RFTN1: variants seen among roughly 807,000 people sequenced by gnomAD.
RFTN1 encodes the protein raftlin, lipid raft linker 1.
In RFTN1, 26 loss-of-function variants were observed where a neutral mutation model predicts 46.5. The ratio of observed to expected loss-of-function variants is 0.56; its 90% CI spans 0.41 to 0.78. RFTN1 has a LOEUF of 0.78. RFTN1 is among the 30% of genes least tolerant of loss of function. RFTN1 has a pLI of 0.00. For missense variants in RFTN1, 693 were observed against 718.7 expected, an observed-to-expected ratio of 0.96 and a Z score of 0.41; for synonymous variants, 261 against 284.2, an observed-to-expected ratio of 0.92 and a Z score of 0.82.
intron 4 of RFTN1, among the ~76,000 whole-genome samples, chr3:16,396,965 A>G (rs1414068675): frequency 6.6e-6 from 1 of 151,006 alleles, no homozygotes; most frequent in Non-Finnish European, 1.5e-5. Context: ...CGGGAGGCTG[A>G]GGCAGGAGAA....
In RFTN1 at chr3:16,387,813, G is replaced by A. The variant is rs1295557945; in HGVS notation, c.442-9711C>T. ...CCCACAGCCCTCCTGTCACCTCCAT[G>A]ACGCCAAATCCCACAGGCTTTTTAG... On this transcript the variant is annotated intron_variant, in intron 4 of 9. Transcript: ENST00000334133. This position sits in a 1 kb window ranked among gnomAD's most constrained non-coding sequence, Gnocchi z 5.2. Among the ~76,000 whole-genome samples, 2 of 151,830 alleles carry A rather than the reference G, an allele frequency of 1.3e-5. No individual in the cohort carries two copies. The highest frequency in any genetic ancestry group is 3.9e-4 in the East Asian group (2 of 5,180).
intron 7 of RFTN1, among the ~76,000 whole-genome samples, chr3:16,330,519 C>T (rs868236587): frequency 6.6e-5 from 10 of 152,200 alleles, no homozygotes; most frequent in African/African-American, 2.4e-4. Flanking sequence ...GCACCAACAA[C>T]ACTCAAAAGC....
intron 2 of RFTN1, among the ~76,000 whole-genome samples, chr3:16,467,368 A>G (rs1356488394): frequency 6.6e-6 from 1 of 152,216 alleles, no homozygotes; most frequent in African/African-American, 2.4e-5. Flanking sequence ...TCAGCCATCC[A>G]GATGCAGCCC....
rs1026019422 is a variant in RFTN1 at position 16,447,143 on chromosome 3, T to C, written c.146-13106A>G. Among the ~76,000 whole-genome samples the C allele has an allele frequency of 2.0e-5, 3 of 152,342 alleles. 1 individual carries two copies. The highest frequency in any genetic ancestry group is 6.5e-5 in the Admixed American group (1 of 15,304). On this transcript the variant is annotated intron_variant, in intron 2 of 9. Coordinates refer to ENST00000334133, the MANE Select transcript of RFTN1 (RefSeq NM_015150.2). The surrounding 1 kb of genome is among the most constrained non-coding windows in gnomAD (Gnocchi z 5.9). ...TCCTCACTGTAGTGTAGACACACCA[T>C]ATATTCAGCAGTGCAGCCACAAAAC...
At position 16,370,831 on chromosome 3, in the gene RFTN1, T is replaced by C. The variant is rs537151367; in HGVS notation, c.827-552A>G. The C allele has an allele frequency of 1.3e-5, 2 of 152,880 alleles. No individual in the cohort carries two copies. Among genetic ancestry groups the C allele is most frequent in the African/African-American group, 2.4e-5 (1 of 41,536 alleles). 9.5% of individuals were successfully genotyped at this position (152,880 alleles called of 1,614,324 possible). ...AAAATACATCATTGATATGTAAAAA[T>C]AAATATGTTCCCGTAAATGAGAGTT... On this transcript the variant is annotated intron_variant, in intron 5 of 9. Transcript: ENST00000334133. This position sits in a 1 kb window ranked among gnomAD's most constrained non-coding sequence, Gnocchi z 5.5.
intron 4 of RFTN1, among the ~76,000 whole-genome samples, chr3:16,395,385 A>G (rs1214833616): frequency 6.6e-5 from 10 of 152,220 alleles, no homozygotes; most frequent in Non-Finnish European, 1.5e-4. Context: ...CCAAGATAGT[A>G]GCCATATGCC....
At chr3:16,478,258 T>C (rs1392418111) in intron 2 of RFTN1, among the ~76,000 whole-genome samples, 1 of 152,168 alleles carries the variant, frequency 6.6e-6, no homozygotes, top group Non-Finnish European at 1.5e-5. Flanking sequence ...GTGGGCTGTG[T>C]CAATTAAAAC....
In RFTN1 at chr3:16,333,382, G is replaced by A. The variant is rs1272161784; in HGVS notation, c.1147-6506C>T. On this transcript the variant is annotated intron_variant, in intron 7 of 9. Coordinates refer to ENST00000334133, the MANE Select transcript of RFTN1 (RefSeq NM_015150.2). ...ACATGTTTGCAAATGGCCACAAAATGCCATTTGTATTGATTTTGGGATTAC... is the reference window on the plus strand; with the variant it reads ...ACATGTTTGCAAATGGCCACAAAATACCATTTGTATTGATTTTGGGATTAC... 2.0e-5 allele frequency among the ~76,000 whole-genome samples: 3 copies of A among 152,180 alleles called. No homozygotes were observed. The East Asian group carries it at 5.8e-4, about 29-fold the overall frequency.
Position 16,402,220 on chromosome 3 carries a change from G to A in RFTN1, c.441+7155C>T, listed in dbSNP as rs570985079. Among the ~76,000 whole-genome samples, 8 of 152,274 alleles carry A rather than the reference G, an allele frequency of 5.3e-5. No homozygotes were observed. The East Asian group carries it at 9.6e-4, about 18-fold the overall frequency. ...GCACCTCTCTCTCCTTCAATGACAC[G>A]AAGGTTTAGTGAGTATTCCTCTTTC... On this transcript the variant is annotated intron_variant, in intron 4 of 9. Coordinates refer to ENST00000334133, the MANE Select transcript of RFTN1 (RefSeq NM_015150.2). The surrounding 1 kb of genome is among the most constrained non-coding windows in gnomAD (Gnocchi z 4.5).
chr3:16,354,027 C>G (rs557303732), intron 7 of RFTN1, among the ~76,000 whole-genome samples: 1 of 152,308 alleles, frequency 6.6e-6, no homozygotes, highest in South Asian at 2.1e-4. Flanking sequence ...CCAGGTGATT[C>G]TGATACAAGC....
At chr3:16,482,821 G>A (rs924165976) in intron 2 of RFTN1, 1 of 1,536,086 alleles carries the variant, frequency 6.5e-7, no homozygotes, top group Admixed American at 2.0e-5. Flanking sequence ...GGAGGGCGCA[G>A]GGGCAGAACA....
In RFTN1 at chr3:16,473,835, C is replaced by A. The variant is rs1320115549; in HGVS notation, c.145+19890G>T. Among the ~76,000 whole-genome samples, 1 of 152,208 alleles carries A rather than the reference C, an allele frequency of 6.6e-6. No individual in the cohort carries two copies. The highest frequency in any genetic ancestry group is 1.5e-5 in the Non-Finnish European group (1 of 68,032). ...CCCACTTCTCCCTATCCTTCCCTGT[C>A]CTAGAAGCACGAAACCTACCTCTCC... On this transcript the variant is annotated intron_variant, in intron 2 of 9. Coordinates refer to ENST00000334133, the MANE Select transcript of RFTN1 (RefSeq NM_015150.2). The surrounding 1 kb of genome is among the most constrained non-coding windows in gnomAD (Gnocchi z 5.3).
rs376991783 is a variant in RFTN1, at chr3:16,370,137, G to A, written c.969C>T (p.Ser323=). 1.9e-4 allele frequency: 307 copies of A among 1,614,050 alleles called. No individual in the cohort carries two copies. Among genetic ancestry groups the A allele is most frequent in the Non-Finnish European group, 2.3e-4 (270 of 1,180,034 alleles). The change falls in exon 6 of 10, where the codon AGC becomes AGT. Residue 323 remains serine, a synonymous_variant. Coordinates refer to ENST00000334133, the MANE Select transcript of RFTN1 (RefSeq NM_015150.2). This position sits in a 1 kb window ranked among gnomAD's most constrained non-coding sequence, Gnocchi z 5.5. ...GLDANWLEHM[S]DHFRKGGMLV... Reference sequence around the variant, plus strand: ...GCATGCCTCCTTTCCGGAAGTGGTCGCTCATGTGCTCTAACCAGTTGGCGT... The same window carrying A: ...GCATGCCTCCTTTCCGGAAGTGGTCACTCATGTGCTCTAACCAGTTGGCGT...
chr3:16,388,437 A>G (rs1022764448), intron 4 of RFTN1, among the ~76,000 whole-genome samples: 1 of 152,264 alleles, frequency 6.6e-6, no homozygotes, highest in African/African-American at 2.4e-5. Flanking sequence ...TGAGTCTACA[A>G]TTTCAGGAAA....
intron 1 of RFTN1, 144 bp from the exon 2 acceptor site, chr3:16,494,021 T>G (rs2076585517): frequency 1.1e-6 from 1 of 885,010 alleles, no homozygotes; most frequent in Non-Finnish European, 1.7e-6. Context: ...TAATTTAATA[T>G]AGGACCTGAA....
At chr3:16,364,371 C>G (rs1559291789) in intron 6 of RFTN1, among the ~76,000 whole-genome samples, 1 of 152,180 alleles carries the variant, frequency 6.6e-6, no homozygotes, top group Non-Finnish European at 1.5e-5. Context: ...GTTCAAGGGC[C>G]AAGCCAGATC....
rs1278412394 is a variant in RFTN1, at chr3:16,458,900, TC to T, written c.146-24864del. ...AAACATGGTGCTTAGCTTCACGAAT[TC>T]CCTAAAAGTTACAACCCAGGGCTAC... On this transcript the variant is annotated intron_variant, in intron 2 of 9. Transcript: ENST00000334133. This position sits in a 1 kb window ranked among gnomAD's most constrained non-coding sequence, Gnocchi z 5.1. Among the ~76,000 whole-genome samples, 6 of 152,230 alleles carry T rather than the reference TC, an allele frequency of 3.9e-5. 1 individual carries two copies. The East Asian group carries it at 1.2e-3, about 29-fold the overall frequency.
chr3:16,369,518 G>A (rs2073400026), intron 6 of RFTN1, among the ~76,000 whole-genome samples: 1 of 152,206 alleles, frequency 6.6e-6, no homozygotes, highest in Non-Finnish European at 1.5e-5. Flanking sequence ...TGCCTTAGGA[G>A]AGCTGACATC....
At position 16,383,511 on chromosome 3, in the gene RFTN1, G is replaced by A. The variant is rs1387772580; in HGVS notation, c.442-5409C>T. Among the ~76,000 whole-genome samples the A allele has an allele frequency of 1.3e-5, 2 of 151,982 alleles. No homozygotes were observed. The highest frequency in any genetic ancestry group is 4.8e-5 in the African/African-American group (2 of 41,376). On this transcript the variant is annotated intron_variant, in intron 4 of 9. Coordinates refer to ENST00000334133, the MANE Select transcript of RFTN1 (RefSeq NM_015150.2). The surrounding 1 kb of genome is among the most constrained non-coding windows in gnomAD (Gnocchi z 4.0). ...GTTATATAAAAAGTCACAAGTCATT[G>A]TAAAAAAAATCTTTGGTTATATATT...
Sources: allele counts gnomAD v4.1 joint callset (sites outside exome capture counted in the v4.1 genomes callset), GRCh38; gene constraint gnomAD v4.1.1; non-coding constraint Gnocchi (gnomAD v3.1); transcripts MANE v1.5; gene names NCBI Gene and HGNC (gene_info 2026-07-23, HGNC 2026-07-21).